RBFOX1: variants seen among roughly 807,000 people sequenced by gnomAD.
RBFOX1 encodes RNA binding protein fox-1 homolog 1.
In RBFOX1, 8 loss-of-function variants were observed where a neutral mutation model predicts 57.7. That is an observed-to-expected ratio of 0.14 (90% CI 0.08 to 0.25). RBFOX1 has a LOEUF of 0.25. Among genes scored for constraint, RBFOX1 ranks in the 10% least tolerant of loss-of-function variants. RBFOX1 has a pLI of 1.00. For synonymous variants in RBFOX1, 326 were observed against 222.4 expected, an observed-to-expected ratio of 1.47 and a Z score of -4.15; for missense variants, 611 against 548.5, an observed-to-expected ratio of 1.11 and a Z score of -1.14.
chr16:6,933,362 A>G (rs775491963), intron 3 of RBFOX1, among the ~76,000 whole-genome samples: 7 of 152,254 alleles, frequency 4.6e-5, no homozygotes, highest in Admixed American at 1.3e-4. Flanking sequence ...TCAGCAGTGC[A>G]CAAGGGTTCC....
chr16:6,348,067 G>A (rs922004006), intron 2 of RBFOX1, among the ~76,000 whole-genome samples: 8 of 152,192 alleles, frequency 5.3e-5, no homozygotes, highest in Non-Finnish European at 8.8e-5. Flanking sequence ...AGTGTGGGAG[G>A]CAGAGAAGGG....
intron 4 of RBFOX1, among the ~76,000 whole-genome samples, chr16:7,487,916 G>A (rs1245037095): frequency 1.3e-5 from 2 of 152,124 alleles, no homozygotes; most frequent in East Asian, 1.9e-4. Context: ...ACCAGCGTCC[G>A]ATAATTTCTG....
chr16:7,337,929 C>T (rs12325183), intron 4 of RBFOX1, among the ~76,000 whole-genome samples: 52,729 of 152,118 alleles, frequency 0.35, 10,300 homozygotes, highest in African/African-American at 0.53. Flanking sequence ...ATGATCTGCC[C>T]GCCTTGGCCT....
intron 2 of RBFOX1, among the ~76,000 whole-genome samples, chr16:6,539,587 C>G (rs1018531979): frequency 2.2e-4 from 34 of 151,836 alleles, no homozygotes; most frequent in African/African-American, 8.2e-4. Flanking sequence ...CACCTAAGGT[C>G]GGGAGTTCAA....
At chr16:6,927,092 G>C (rs1462131207) in intron 3 of RBFOX1, among the ~76,000 whole-genome samples, 1 of 152,000 alleles carries the variant, frequency 6.6e-6, no homozygotes, top group Non-Finnish European at 1.5e-5. Flanking sequence ...CCTCAAGCTT[G>C]AGTTTGCATT....
intron 4 of RBFOX1, among the ~76,000 whole-genome samples, chr16:7,276,227 A>G (rs1226655405): frequency 1.3e-5 from 2 of 152,156 alleles, no homozygotes; most frequent in African/African-American, 2.4e-5. Context: ...AGACTGAGCT[A>G]TTTCTGGCTG....
At chr16:5,240,765 G>A (rs2062146016) in intron 1 of RBFOX1, among the ~76,000 whole-genome samples, 2 of 152,176 alleles carry the variant, frequency 1.3e-5, no homozygotes, top group Non-Finnish European at 2.9e-5. Context: ...TGCACACGTG[G>A]GCCCCTGAGT....
intron 3 of RBFOX1, among the ~76,000 whole-genome samples, chr16:7,007,052 T>C (rs113339528): frequency 2.3e-4 from 35 of 152,326 alleles, no homozygotes; most frequent in African/African-American, 8.4e-4. Context: ...TTGGCTCATC[T>C]GGTTTCTACA....
intron 4 of RBFOX1, among the ~76,000 whole-genome samples, chr16:7,212,508 G>A (rs2091333690): frequency 6.6e-6 from 1 of 152,070 alleles, no homozygotes; most frequent in Non-Finnish European, 1.5e-5. Flanking sequence ...CCCTAGAGTG[G>A]GGTTTCTCAA....
chr16:6,188,349 T>C (rs2097120123), intron 1 of RBFOX1, among the ~76,000 whole-genome samples: 1 of 148,876 alleles, frequency 6.7e-6, no homozygotes, highest in South Asian at 2.1e-4. Flanking sequence ...AAAAATTTTC[T>C]CCAGAAGACC....
At chr16:6,620,167 A>C (rs2098207164) in intron 2 of RBFOX1, among the ~76,000 whole-genome samples, 1 of 152,202 alleles carries the variant, frequency 6.6e-6, no homozygotes, top group East Asian at 1.9e-4. Context: ...ACCACAGCAT[A>C]ACTAAATTCA....
chr16:5,889,649 C>G (rs1199355209), intron 4 of RBFOX1, among the ~76,000 whole-genome samples: 1 of 152,222 alleles, frequency 6.6e-6, no homozygotes, highest in African/African-American at 2.4e-5. Context: ...CACACATGTC[C>G]TCGTGCACTG....
At chr16:7,025,635 T>G (rs929904832) in intron 3 of RBFOX1, among the ~76,000 whole-genome samples, 3 of 150,450 alleles carry the variant, frequency 2.0e-5, no homozygotes, top group Non-Finnish European at 1.5e-5. Context: ...CCTGGGGGGG[T>G]TTTGGATAGA....
At chr16:5,534,332 C>A (rs571570722) in intron 2 of RBFOX1, among the ~76,000 whole-genome samples, 1 of 152,096 alleles carries the variant, frequency 6.6e-6, no homozygotes, top group Admixed American at 6.6e-5. Context: ...TTGACTCATA[C>A]GATCAGAAAG....
intron 2 of RBFOX1, among the ~76,000 whole-genome samples, chr16:6,635,710 G>A (rs2098425861): frequency 6.6e-6 from 1 of 152,072 alleles, no homozygotes; most frequent in East Asian, 1.9e-4. Flanking sequence ...ATTATTTTTG[G>A]AAAATCATGC....
intron 4 of RBFOX1, among the ~76,000 whole-genome samples, chr16:7,285,031 A>T (rs1285436573): frequency 2.1e-5 from 2 of 96,866 alleles, no homozygotes; most frequent in Admixed American, 1.4e-4. Context: ...GCCTTCCCTC[A>T]CCCTCAGTCT....
intron 13 of RBFOX1, among the ~76,000 whole-genome samples, chr16:7,665,790 T>C (rs6501009): frequency 6.6e-6 from 1 of 151,782 alleles, no homozygotes; most frequent in Non-Finnish European, 1.5e-5. Context: ...TCAATGGGAT[T>C]ATATTTGTTT....
At chr16:7,470,642 G>A (rs985919645) in intron 4 of RBFOX1, among the ~76,000 whole-genome samples, 1 of 152,104 alleles carries the variant, frequency 6.6e-6, no homozygotes, top group Non-Finnish European at 1.5e-5. Context: ...ATGAGTGAGT[G>A]GATAGACGGA....
chr16:7,094,487 G>C (rs1006243360), intron 4 of RBFOX1, among the ~76,000 whole-genome samples: 2 of 152,100 alleles, frequency 1.3e-5, no homozygotes, highest in African/African-American at 4.8e-5. Flanking sequence ...TCTGGGGACT[G>C]GATAGAATAC....
Sources: allele counts gnomAD v4.1 joint callset (sites outside exome capture counted in the v4.1 genomes callset), GRCh38; gene constraint gnomAD v4.1.1; transcripts MANE v1.5; gene names NCBI Gene and HGNC (gene_info 2026-07-23, HGNC 2026-07-21).